Variants in PCDH15 observed in about 807,000 individuals in gnomAD.
PCDH15 encodes the protein protocadherin-15.
In PCDH15, 129 loss-of-function variants were observed where a neutral mutation model predicts 178.5. That is an observed-to-expected ratio of 0.72 (90% CI 0.63 to 0.84). The LOEUF (loss-of-function observed/expected upper bound fraction) is 0.84, where lower values mean the gene tolerates loss of function less well. Ranked by LOEUF, PCDH15 falls within the 40% of genes least tolerant of loss-of-function variation. The pLI is 0.00. For synonymous variants in PCDH15, 800 were observed against 732.0 expected, an observed-to-expected ratio of 1.09 and a Z score of -1.50; for missense variants, 2,230 against 2,099.9, an observed-to-expected ratio of 1.06 and a Z score of -1.21.
chr10:55,174,981 T>C (rs1457249014), intron 1 of PCDH15, among the ~76,000 whole-genome samples: 1 of 152,094 alleles, frequency 6.6e-6, no homozygotes, highest in Non-Finnish European at 1.5e-5. Context: ...GGATGTTATG[T>C]TACTTTTGAC....
intron 18 of PCDH15, among the ~76,000 whole-genome samples, chr10:54,038,091 C>T (rs1166911685): frequency 2.0e-5 from 3 of 151,894 alleles, no homozygotes; most frequent in Admixed American, 2.0e-4. Context: ...TGCTATATAT[C>T]CACGTTTTGA....
At chr10:54,600,350 T>C in intron 2 of PCDH15, 1 of 534,824 alleles carries the variant, frequency 1.9e-6, no homozygotes, top group South Asian at 1.5e-5. Context: ...AATGGAGAGG[T>C]AGAAGGAAAA....
chr10:55,520,593 A>C (rs1181802661), intron 2 of PCDH15, among the ~76,000 whole-genome samples: 1 of 150,528 alleles, frequency 6.6e-6, no homozygotes, highest in Non-Finnish European at 1.5e-5. Context: ...TTCTTATTCT[A>C]GGAACAGAAC....
chr10:55,491,957 T>C (rs1840428476), intron 2 of PCDH15, among the ~76,000 whole-genome samples: 1 of 151,626 alleles, frequency 6.6e-6, no homozygotes, highest in Non-Finnish European at 1.5e-5. Flanking sequence ...GAGAGGATTA[T>C]GCAAGCCATA....
chr10:55,521,409 A>G (rs781466301), intron 2 of PCDH15, among the ~76,000 whole-genome samples: 7 of 152,026 alleles, frequency 4.6e-5, no homozygotes, highest in Admixed American at 2.6e-4. Context: ...TTCAACTTAG[A>G]ATAGTTCACA....
intron 1 of PCDH15, among the ~76,000 whole-genome samples, chr10:55,308,699 C>A (rs528090137): frequency 6.6e-6 from 1 of 152,250 alleles, no homozygotes; most frequent in South Asian, 2.1e-4. Context: ...TTCCTACTTA[C>A]CTTAGTGAAA....
At chr10:53,880,398 T>TG (rs2080619962) in intron 26 of PCDH15, among the ~76,000 whole-genome samples, 1 of 152,204 alleles carries the variant, frequency 6.6e-6, no homozygotes, top group South Asian at 2.1e-4. Flanking sequence ...AAAATGAACT[T>TG]ACTGTAACAT....
intron 5 of PCDH15, among the ~76,000 whole-genome samples, chr10:54,365,855 A>G (rs931996868): frequency 1.3e-5 from 2 of 152,098 alleles, no homozygotes; most frequent in African/African-American, 4.8e-5. Context: ...ACATGTAGAT[A>G]GAGGAATTAA....
At chr10:54,699,642 G>A (rs1398666020) in intron 1 of PCDH15, among the ~76,000 whole-genome samples, 2 of 151,764 alleles carry the variant, frequency 1.3e-5, no homozygotes, top group East Asian at 3.9e-4. Context: ...TTAGCCTTAA[G>A]GACAAAAATG....
intron 2 of PCDH15, among the ~76,000 whole-genome samples, chr10:55,444,132 C>A (rs1164974085): frequency 1.2e-5 from 1 of 81,792 alleles, no homozygotes; most frequent in Non-Finnish European, 2.5e-5. Context: ...CGGGGCCTAT[C>A]GGGGGGTGGG....
rs960688593 is a variant in PCDH15, at chr10:54,664,096, C to T, written c.91+76G>A. 17 of 1,059,496 alleles carry T rather than the reference C, an allele frequency of 1.6e-5. No individual in the cohort carries two copies. The African/African-American group carries it at 2.2e-4, about 14-fold the overall frequency. The allele number at this position is 1,059,496 out of a possible 1,614,324, so 65.6% of individuals were successfully genotyped here. ...TCATAAACTACAAATTAGCATTATT[C>T]ATCTCTGTGGTATATTTTCAATGTA... On this transcript the variant is annotated intron_variant, in intron 2 of 37. Coordinates refer to ENST00000644397, the MANE Select transcript of PCDH15 (RefSeq NM_001384140.1).
rs1840348117 is a variant in PCDH15, at chr10:55,204,708, A to C, written c.-155-38057T>G. On this transcript the variant is annotated intron_variant, in intron 1 of 5. Transcript: ENST00000458638. The stretch of plus-strand genomic sequence containing the variant: ...TTTGTGGACTCCAACATACACTGCA[A>C]ACAGTCACTGGTATCTTTTAATAGT... 2.0e-5 allele frequency among the ~76,000 whole-genome samples: 3 copies of C among 152,102 alleles called. No individual in the cohort carries two copies. The South Asian group carries it at 6.2e-4, about 31-fold the overall frequency.
chr10:53,996,690 A>G (rs936551297), intron 20 of PCDH15, among the ~76,000 whole-genome samples: 15 of 152,274 alleles, frequency 9.9e-5, no homozygotes, highest in African/African-American at 2.9e-4. Flanking sequence ...GAATCATTTT[A>G]TCTTTTAGAG....
intron 1 of PCDH15, among the ~76,000 whole-genome samples, chr10:54,752,207 T>C (rs1031084959): frequency 6.6e-6 from 1 of 152,004 alleles, no homozygotes; most frequent in East Asian, 1.9e-4. Flanking sequence ...CCGGGCGCGG[T>C]GGCTCACGCC....
chr10:55,361,828 A>G lies in PCDH15; in HGVS notation c.-155-195177T>C, dbSNP rs180935161. 5.0e-3 allele frequency among the ~76,000 whole-genome samples: 761 copies of G among 152,242 alleles called. 10 individuals carry two copies. Among genetic ancestry groups the G allele is most frequent in the Non-Finnish European group, 4.4e-3 (299 of 67,972 alleles). ...TATTTCATTACAAATGTACAGTGTT[A>G]TATAGAATACAGGTTTTCATTTATT... is the stretch of plus-strand genomic sequence containing the variant. On this transcript the variant is annotated intron_variant, in intron 2 of 5. Transcript: ENST00000613346.
upstream of PCDH15, among the ~76,000 whole-genome samples, chr10:55,320,472 C>G (rs1196042934): frequency 6.6e-6 from 1 of 152,204 alleles, no homozygotes; most frequent in Non-Finnish European, 1.5e-5. Flanking sequence ...ATGTTGCCCA[C>G]TGCTGGCCTG....
chr10:55,321,839 A>G (rs1206112332), upstream of PCDH15, among the ~76,000 whole-genome samples: 1 of 152,220 alleles, frequency 6.6e-6, no homozygotes, highest in African/African-American at 2.4e-5. Flanking sequence ...CCTACCTTAC[A>G]CAAGGATTTG....
intron 8 of PCDH15, among the ~76,000 whole-genome samples, chr10:54,261,784 A>C (rs1330964198): frequency 6.6e-6 from 1 of 152,200 alleles, no homozygotes; most frequent in Non-Finnish European, 1.5e-5. Flanking sequence ...ATAGGCACCA[A>C]AAAAGATTTG....
chr10:54,199,694 T>C (rs994195849), intron 10 of PCDH15, among the ~76,000 whole-genome samples: 1 of 151,938 alleles, frequency 6.6e-6, no homozygotes, highest in Non-Finnish European at 1.5e-5. Context: ...ATCTGAATTA[T>C]TCTGTTCCCC....
Sources: allele counts gnomAD v4.1 joint callset (sites outside exome capture counted in the v4.1 genomes callset), GRCh38; gene constraint gnomAD v4.1.1; transcripts MANE v1.5; gene names NCBI Gene and HGNC (gene_info 2026-07-23, HGNC 2026-07-21).